Variants in HMCN1 observed in about 807,000 individuals in gnomAD.
HMCN1 encodes hemicentin 1.
A neutral mutation model predicts 625.9 loss-of-function variants in HMCN1; 321 were observed. That is an observed-to-expected ratio of 0.51 (90% confidence interval 0.47 to 0.56). The LOEUF is 0.56. HMCN1 is among the 20% of genes least tolerant of loss of function. HMCN1 has a pLI of 0.00. For missense variants in HMCN1, 6,588 were observed against 6,887.3 expected, an observed-to-expected ratio of 0.96 and a Z score of 1.54; for synonymous variants, 2,425 against 2,417.6, an observed-to-expected ratio of 1.00 and a Z score of -0.09.
intron 30 of HMCN1, among the ~76,000 whole-genome samples, chr1:186,012,856 G>C (rs1422347448): frequency 1.3e-5 from 2 of 152,044 alleles, no homozygotes; most frequent in Non-Finnish European, 2.9e-5. Context: ...GCTTAGTCTA[G>C]TGTTTATTAG....
intron 1 of HMCN1, among the ~76,000 whole-genome samples, chr1:185,763,367 A>G (rs1477734350): frequency 1.3e-5 from 2 of 152,164 alleles, no homozygotes. Context: ...TTCAAAAATG[A>G]GGATTTAGTT....
intron 68 of HMCN1, among the ~76,000 whole-genome samples, chr1:186,100,623 C>T (rs184347302): frequency 6.6e-6 from 1 of 152,226 alleles, no homozygotes; most frequent in East Asian, 1.9e-4. Flanking sequence ...GAGAAGAGCA[C>T]TCTGGCTATA....
intron 2 of HMCN1, among the ~76,000 whole-genome samples, chr1:185,849,134 G>C (rs765502618): frequency 1.3e-5 from 2 of 151,758 alleles, no homozygotes; most frequent in Non-Finnish European, 2.9e-5. Context: ...TTCCCATCTA[G>C]TGCCACTCTT....
chr1:186,175,641 T>C (rs55844279), intron 103 of HMCN1, among the ~76,000 whole-genome samples: 3 of 152,052 alleles, frequency 2.0e-5, no homozygotes, highest in Non-Finnish European at 4.4e-5. Flanking sequence ...GTTGTATTTA[T>C]TCACCAATTT....
At chr1:185,994,336 G>A (rs1161465338) in intron 23 of HMCN1, among the ~76,000 whole-genome samples, 1 of 152,072 alleles carries the variant, frequency 6.6e-6, no homozygotes, top group African/African-American at 2.4e-5. Flanking sequence ...TCTGAAATTA[G>A]CAAAAGATTT....
intron 1 of HMCN1, among the ~76,000 whole-genome samples, chr1:185,839,706 G>C (rs1661368367): frequency 6.6e-6 from 1 of 152,040 alleles, no homozygotes; most frequent in South Asian, 2.1e-4. Context: ...TTTGCTTCTT[G>C]TTCTAAATAT....
chr1:185,997,995 T>G (rs1044960115), intron 25 of HMCN1, among the ~76,000 whole-genome samples: 2 of 152,108 alleles, frequency 1.3e-5, no homozygotes, highest in Non-Finnish European at 2.9e-5. Flanking sequence ...AGCTTGTAAA[T>G]TGTCACTTGG....
Position 186,015,950 on chromosome 1 carries a change from CT to C in HMCN1, c.4910-7del. On this transcript the variant is annotated splice_region_variant and splice_polypyrimidine_tract_variant and intron_variant, in intron 31 of 106. Coordinates refer to ENST00000271588, the MANE Select transcript of HMCN1 (RefSeq NM_031935.3). ...AATTGCCTGAAATATTGCTATGTTT[CT>C]CCCTAGTTCCTCCAATGATTGAAGG... 1 of 1,610,762 alleles carries C rather than the reference CT, an allele frequency of 6.2e-7. No homozygotes were observed. The highest frequency in any genetic ancestry group is 1.1e-5 in the South Asian group (1 of 90,970).
At chr1:186,141,290 C>T (rs1401641131) in intron 89 of HMCN1, among the ~76,000 whole-genome samples, 1 of 151,838 alleles carries the variant, frequency 6.6e-6, no homozygotes, top group Non-Finnish European at 1.5e-5. Context: ...ATTGAGGACC[C>T]CTGGTTTATC....
At chr1:185,797,403 T>C (rs989440624) in intron 1 of HMCN1, among the ~76,000 whole-genome samples, 20 of 152,184 alleles carry the variant, frequency 1.3e-4, no homozygotes, top group Non-Finnish European at 2.4e-4. Flanking sequence ...CCTCTAGGCT[T>C]AAGCAGTCTT....
chr1:186,143,836 CACAG>C lies in HMCN1; in HGVS notation c.13925-333_13925-330del, dbSNP rs755576201. On this transcript the variant is annotated intron_variant, in intron 89 of 106. Coordinates refer to ENST00000271588, the MANE Select transcript of HMCN1 (RefSeq NM_031935.3). ...TTTTCACTTTCTCCAGAGCAAAGAACACAGACAAATACTTAGCTAAGGGCTTAAA... is the reference window on the plus strand; with the variant it reads ...TTTTCACTTTCTCCAGAGCAAAGAACACAAATACTTAGCTAAGGGCTTAAA... 1.1e-3 allele frequency among the ~76,000 whole-genome samples: 165 copies of C among 152,284 alleles called. 1 individual carries two copies. Among genetic ancestry groups the C allele is most frequent in the East Asian group, 5.8e-3 (30 of 5,180 alleles).
chr1:185,844,211 G>T (rs2102314762), intron 1 of HMCN1, among the ~76,000 whole-genome samples: 1 of 152,230 alleles, frequency 6.6e-6, no homozygotes, highest in African/African-American at 2.4e-5. Context: ...AGTCTTGAGG[G>T]AGTAGGCTTC....
At position 186,037,996 on chromosome 1, in the gene HMCN1, G is replaced by A. The variant is rs750155486; in HGVS notation, c.5812G>A (p.Val1938Ile). Residue 1938 changes from valine to isoleucine, a missense_variant, in exon 37 of 107, where the codon GTA (valine) becomes ATA (isoleucine). Transcript: ENST00000271588. ...LNETVLVSNP[V>I]QLECKAAGNP... ...TGAGACTGTGTTGGTGAGCAACCCT[G>A]TACAGCTGGAGTGTAAGGCAGCTGG... 1.2e-6 allele frequency: 2 copies of A among 1,612,940 alleles called. No individual in the cohort carries two copies. Among genetic ancestry groups the A allele is most frequent in the African/African-American group, 2.7e-5 (2 of 74,876 alleles).
intron 8 of HMCN1, among the ~76,000 whole-genome samples, chr1:185,924,606 G>T (rs1667180449): frequency 6.6e-6 from 1 of 151,924 alleles, no homozygotes; most frequent in African/African-American, 2.4e-5. Flanking sequence ...ATTTGGCTTA[G>T]CCCCTAATTT....
intron 97 of HMCN1, among the ~76,000 whole-genome samples, chr1:186,164,144 C>A (rs370615402): frequency 6.6e-6 from 1 of 152,154 alleles, no homozygotes; most frequent in East Asian, 1.9e-4. Context: ...GTACCACCCC[C>A]CTGCATGAGC....
chr1:185,904,993 T>C (rs1666018045), intron 4 of HMCN1, among the ~76,000 whole-genome samples: 1 of 151,790 alleles, frequency 6.6e-6, no homozygotes, highest in Non-Finnish European at 1.5e-5. Flanking sequence ...CTTAATTCTG[T>C]GAAATTTTCC....
chr1:185,899,201 T>A (rs984168769), intron 4 of HMCN1, among the ~76,000 whole-genome samples: 14 of 152,182 alleles, frequency 9.2e-5, no homozygotes, highest in African/African-American at 3.4e-4. Context: ...CGATGTTCGC[T>A]ATTTTTTTGG....
chr1:185,796,683 A>G (rs1215452344), intron 1 of HMCN1, among the ~76,000 whole-genome samples: 1 of 152,180 alleles, frequency 6.6e-6, no homozygotes, highest in Non-Finnish European at 1.5e-5. Context: ...CTTTACACAT[A>G]CATATGTACA....
At chr1:186,182,363 A>C in intron 105 of HMCN1, 76 bp downstream of exon 105, 1 of 1,543,230 alleles carries the variant, frequency 6.5e-7, no homozygotes, top group Non-Finnish European at 8.9e-7. Flanking sequence ...TTTTTTTTCA[A>C]TAATCATTCT....
Sources: allele counts gnomAD v4.1 joint callset (sites outside exome capture counted in the v4.1 genomes callset), GRCh38; gene constraint gnomAD v4.1.1; transcripts MANE v1.5; gene names NCBI Gene and HGNC (gene_info 2026-07-23, HGNC 2026-07-21).